Variants in NFATC2 observed in about 807,000 individuals in gnomAD.
NFATC2 encodes nuclear factor of activated T cells 2, also known as nuclear factor of activated T-cells, cytoplasmic 2.
Under a neutral mutation model 87.3 loss-of-function variants are expected in NFATC2, and 22 were observed. The observed-to-expected ratio is 0.25, with a 90% CI of 0.18 to 0.36. The LOEUF (loss-of-function observed/expected upper bound fraction) is 0.36. NFATC2 is among the 10% of genes least tolerant of loss of function. The probability of loss-of-function intolerance (pLI) is 1.00; values close to 1 mark genes in which losing one functional copy is unlikely to be tolerated. For missense variants in NFATC2, 1,149 were observed against 1,259.1 expected (o/e 0.91, Z 1.32); for synonymous variants, 565 against 542.2 (o/e 1.04, Z -0.58).
At chr20:51,405,505 G>A (rs1316357631) in intron 9 of NFATC2, among the ~76,000 whole-genome samples, 4 of 152,284 alleles carry the variant, frequency 2.6e-5, no homozygotes, top group South Asian at 2.1e-4. Flanking sequence ...CATCAGATAG[G>A]CAAGCTTTCA....
intron 1 of NFATC2, among the ~76,000 whole-genome samples, chr20:51,541,850 G>A (rs2076822060): frequency 6.6e-6 from 1 of 152,194 alleles, no homozygotes; most frequent in Admixed American, 6.5e-5. Flanking sequence ...CTGCTCACAG[G>A]AGGTGATGGG....
intron 1 of NFATC2, among the ~76,000 whole-genome samples, chr20:51,539,242 T>C (rs1343189247): frequency 6.6e-6 from 1 of 152,202 alleles, no homozygotes; most frequent in Non-Finnish European, 1.5e-5. Context: ...CTTTCCTTCC[T>C]TGGTTTTTGC....
At chr20:51,401,008 T>A (rs6021181) in intron 9 of NFATC2, among the ~76,000 whole-genome samples, 2 of 152,058 alleles carry the variant, frequency 1.3e-5, no homozygotes, top group African/African-American at 4.8e-5. Flanking sequence ...ACAGTGCCTC[T>A]GCCTCAGTCT....
intron 3 of NFATC2, among the ~76,000 whole-genome samples, chr20:51,511,194 A>T (rs1011410496): frequency 1.3e-5 from 2 of 150,614 alleles, no homozygotes; most frequent in Non-Finnish European, 3.0e-5. Flanking sequence ...ACTCCCCACC[A>T]CCCCCTGTTG....
intron 9 of NFATC2, among the ~76,000 whole-genome samples, chr20:51,429,266 C>T (rs1404937763): frequency 1.3e-5 from 2 of 152,228 alleles, no homozygotes; most frequent in African/African-American, 4.8e-5. Flanking sequence ...TGCCACTGGG[C>T]ACGAGCCACC....
chr20:51,426,827 G>A (rs577300534), intron 9 of NFATC2, among the ~76,000 whole-genome samples: 1 of 152,236 alleles, frequency 6.6e-6, no homozygotes, highest in Admixed American at 6.5e-5. Context: ...TCATAATCCA[G>A]GTGGCAATTC....
intron 6 of NFATC2, among the ~76,000 whole-genome samples, chr20:51,442,724 T>C (rs1305901975): frequency 6.6e-6 from 1 of 150,774 alleles, no homozygotes; most frequent in Non-Finnish European, 1.5e-5. Context: ...TTTTTTTTCT[T>C]AAGAAAAAGG....
chr20:51,534,555 G>T (rs1188888168), intron 1 of NFATC2, among the ~76,000 whole-genome samples: 1 of 152,104 alleles, frequency 6.6e-6, no homozygotes, highest in East Asian at 1.9e-4. Context: ...GGCTGGTCTC[G>T]AACTCCTGAC....
chr20:51,529,944 G>A (rs575517589), intron 1 of NFATC2, among the ~76,000 whole-genome samples: 3 of 152,168 alleles, frequency 2.0e-5, no homozygotes, highest in East Asian at 1.9e-4. Flanking sequence ...ATGCTTCTGC[G>A]GTATAACTCA....
intron 1 of NFATC2, among the ~76,000 whole-genome samples, chr20:51,554,910 A>G (rs185915863): frequency 1.1e-3 from 164 of 152,266 alleles, no homozygotes; most frequent in Admixed American, 3.3e-3. Flanking sequence ...GGCTGACAAG[A>G]AAGCACATCT....
intron 7 of NFATC2, 150 bp downstream of exon 7, chr20:51,435,556 G>C (rs1983437024): frequency 1.1e-6 from 1 of 895,908 alleles, no homozygotes. Flanking sequence ...AATAAATGTT[G>C]AACTCACTCA....
rs919880809 is a variant in NFATC2 at position 51,524,183 on chromosome 20, G to A, written c.131-73C>T. On this transcript the variant is annotated intron_variant, in intron 1 of 10. Transcript: ENST00000371564. The surrounding 1 kb of genome is among the most constrained non-coding windows in gnomAD (Gnocchi z 4.0). ...AACTCCCGGTGCAGAGCAATCACAGGCTGGATTTCGTCTCACGTCGTTTAT... is the reference window on the plus strand; with the variant it reads ...AACTCCCGGTGCAGAGCAATCACAGACTGGATTTCGTCTCACGTCGTTTAT... 2.3e-6 allele frequency: 3 copies of A among 1,308,412 alleles called. No homozygotes were observed. The highest frequency in any genetic ancestry group is 3.0e-6 in the Non-Finnish European group (3 of 1,001,864). The allele number at this position is 1,308,412 out of a possible 1,614,324, so 81.1% of individuals were successfully genotyped here.
chr20:51,510,354 A>G (rs1019924923), intron 3 of NFATC2, among the ~76,000 whole-genome samples: 1 of 152,230 alleles, frequency 6.6e-6, no homozygotes, highest in South Asian at 2.1e-4. Flanking sequence ...CTGAAGAACT[A>G]TGGAAACACT....
chr20:51,478,051 C>A (rs1988909824), intron 3 of NFATC2, among the ~76,000 whole-genome samples: 1 of 152,114 alleles, frequency 6.6e-6, no homozygotes, highest in African/African-American at 2.4e-5. Context: ...AGATGGCATG[C>A]TCATGTCCCC....
At chr20:51,544,628 A>G (rs1057229722), upstream of NFATC2, among the ~76,000 whole-genome samples, 2 of 152,308 alleles carry the variant, frequency 1.3e-5, no homozygotes. Context: ...ACAGTTATGA[A>G]CGGGGTTTTC....
At chr20:51,403,360 C>T (rs1287042939) in intron 9 of NFATC2, among the ~76,000 whole-genome samples, 1 of 152,184 alleles carries the variant, frequency 6.6e-6, no homozygotes, top group Admixed American at 6.5e-5. Flanking sequence ...TCTCAAAGGC[C>T]ACCTGGAGTG....
At chr20:51,548,590 A>G (rs1457313068) in intron 1 of NFATC2, among the ~76,000 whole-genome samples, 1 of 152,246 alleles carries the variant, frequency 6.6e-6, no homozygotes, top group African/African-American at 2.4e-5. Flanking sequence ...AGTATGTGGG[A>G]CAGACATAAA....
intron 10 of NFATC2, 26 bp from the exon 11 acceptor site, chr20:51,391,477 G>C (rs373827512): frequency 1.4e-5 from 22 of 1,576,074 alleles, no homozygotes; most frequent in Non-Finnish European, 1.8e-5. Flanking sequence ...GGAGGGGGGG[G>C]GAGAGAGAAT....
At chr20:51,446,743 G>C (rs16996027) in intron 6 of NFATC2, among the ~76,000 whole-genome samples, 2 of 152,226 alleles carry the variant, frequency 1.3e-5, no homozygotes, top group Non-Finnish European at 2.9e-5. Context: ...CGGCAGCTTC[G>C]GAGTTGCAAT....
Sources: allele counts gnomAD v4.1 joint callset (sites outside exome capture counted in the v4.1 genomes callset), GRCh38; gene constraint gnomAD v4.1.1; non-coding constraint Gnocchi (gnomAD v3.1); transcripts MANE v1.5; gene names NCBI Gene and HGNC (gene_info 2026-07-23, HGNC 2026-07-21).